NCKAP5: variants seen among roughly 807,000 people sequenced by gnomAD.
The protein encoded by NCKAP5 is NCK associated protein 5, also known as nck-associated protein 5.
Under a neutral mutation model 167.0 loss-of-function variants are expected in NCKAP5, and 92 were observed. The observed-to-expected ratio is 0.55, with a 90% CI of 0.47 to 0.66. NCKAP5 has a LOEUF of 0.66. Ranked by LOEUF, NCKAP5 falls within the 30% of genes least tolerant of loss-of-function variation. The pLI is 0.00. For missense variants in NCKAP5, 2,378 were observed against 2,315.0 expected, an observed-to-expected ratio of 1.03 and a Z score of -0.56; for synonymous variants, 891 against 877.4, an observed-to-expected ratio of 1.02 and a Z score of -0.27.
intron 19 of NCKAP5, among the ~76,000 whole-genome samples, chr2:132,719,481 G>A (rs994327895): frequency 1.3e-5 from 2 of 152,238 alleles, no homozygotes. Context: ...CATGTACCTA[G>A]GAGAGTGGAC....
At chr2:133,527,676 A>C (rs1050815073) in intron 2 of NCKAP5, among the ~76,000 whole-genome samples, 1 of 152,148 alleles carries the variant, frequency 6.6e-6, no homozygotes, top group African/African-American at 2.4e-5. Flanking sequence ...TATGAGAAAA[A>C]TCTCTAAGAT....
At chr2:132,725,481 G>C in intron 19 of NCKAP5, 146 bp downstream of exon 19, 2 of 968,900 alleles carry the variant, frequency 2.1e-6, no homozygotes, top group East Asian at 2.7e-5. Context: ...ACAATCTTCT[G>C]TATGTACCAG....
At chr2:133,172,109 T>C (rs1194834813) in intron 5 of NCKAP5, among the ~76,000 whole-genome samples, 1 of 152,220 alleles carries the variant, frequency 6.6e-6, no homozygotes, top group African/African-American at 2.4e-5. Flanking sequence ...CCCAACTATA[T>C]ACCTATTTAT....
chr2:132,701,303 T>C (rs1163740681), intron 19 of NCKAP5, among the ~76,000 whole-genome samples: 1 of 152,110 alleles, frequency 6.6e-6, no homozygotes, highest in African/African-American at 2.4e-5. Flanking sequence ...CAGGGTGCCA[T>C]CTGGGCCCAT....
chr2:133,614,678 A>G, the NCKAP5 span, among the ~76,000 whole-genome samples: 106 of 152,246 alleles, frequency 7.0e-4, 1 homozygote, highest in Admixed American at 2.3e-3. Flanking sequence ...TCTGATTGGT[A>G]TACCTGAAAG....
intron 6 of NCKAP5, among the ~76,000 whole-genome samples, chr2:133,067,749 A>ATTTTGTTCATTGAGGAGCTGTTGCAGAC (rs1395314980): frequency 2.6e-5 from 4 of 152,224 alleles, no homozygotes; most frequent in South Asian, 4.2e-4. Context: ...ATCATTTTGG[A>ATTTTGTTCATTGAGGAGCTGTTGCAGAC]TTTTGTTCAT....
At chr2:132,765,446 C>T (rs574392465) in intron 16 of NCKAP5, among the ~76,000 whole-genome samples, 133 of 151,850 alleles carry the variant, frequency 8.8e-4, no homozygotes, top group African/African-American at 3.1e-3. Flanking sequence ...TGCCAAGTAG[C>T]TGTGACTACA....
intron 4 of NCKAP5, among the ~76,000 whole-genome samples, chr2:133,258,046 T>G (rs1276707622): frequency 6.6e-6 from 1 of 152,216 alleles, no homozygotes. Flanking sequence ...GCACTATTAC[T>G]TACACTTGAC....
At chr2:133,473,719 TTCTA>T in intron 3 of NCKAP5, among the ~76,000 whole-genome samples, 1 of 152,234 alleles carries the variant, frequency 6.6e-6, no homozygotes, top group Non-Finnish European at 1.5e-5. Context: ...TATATGTGGT[TTCTA>T]TCTGCTTTCA....
At chr2:133,259,762 G>A (rs976777908) in intron 4 of NCKAP5, among the ~76,000 whole-genome samples, 2 of 152,210 alleles carry the variant, frequency 1.3e-5, no homozygotes, top group East Asian at 3.8e-4. Flanking sequence ...CATAGGAAGA[G>A]AAGAAAAAGA....
chr2:133,323,503 G>A (rs1373161848), intron 3 of NCKAP5, among the ~76,000 whole-genome samples: 1 of 152,182 alleles, frequency 6.6e-6, no homozygotes, highest in East Asian at 1.9e-4. Flanking sequence ...GATAGGCTGG[G>A]TTAAAGAGGA....
the NCKAP5 span, among the ~76,000 whole-genome samples, chr2:133,643,890 A>T: frequency 6.6e-6 from 1 of 152,086 alleles, no homozygotes. Flanking sequence ...CCTAGAAAAC[A>T]CTTCTTCCCA....
chr2:132,763,248 G>A (rs1381349907), intron 16 of NCKAP5, among the ~76,000 whole-genome samples: 1 of 152,094 alleles, frequency 6.6e-6, no homozygotes, highest in East Asian at 1.9e-4. Flanking sequence ...AAATATCTAA[G>A]CTCGGCTTTC....
intron 5 of NCKAP5, among the ~76,000 whole-genome samples, chr2:133,185,171 C>T (rs115277373): frequency 0.014 from 2,189 of 152,242 alleles, 61 homozygotes; most frequent in African/African-American, 0.047. Context: ...TTTCATTCTT[C>T]TGCGTATGGC....
chr2:133,094,610 C>T (rs1255550409), intron 6 of NCKAP5, among the ~76,000 whole-genome samples: 2 of 152,122 alleles, frequency 1.3e-5, no homozygotes, highest in Admixed American at 1.3e-4. Context: ...CTAAAATGTC[C>T]TCTCTCATCC....
chr2:133,557,244 C>T (rs992223274), intron 2 of NCKAP5, among the ~76,000 whole-genome samples: 6 of 152,148 alleles, frequency 3.9e-5, no homozygotes, highest in Admixed American at 6.5e-5. Context: ...CTCATTTGCA[C>T]GCTTGGCACC....
At chr2:133,491,758 T>G (rs1422976958) in intron 3 of NCKAP5, among the ~76,000 whole-genome samples, 2 of 152,102 alleles carry the variant, frequency 1.3e-5, no homozygotes, top group East Asian at 3.9e-4. Context: ...CCAAAGTGAC[T>G]AAAGCCACAT....
At chr2:133,420,867 CCTGCCTCGCCCCA>C (rs1203905987) in intron 3 of NCKAP5, among the ~76,000 whole-genome samples, 2 of 152,186 alleles carry the variant, frequency 1.3e-5, no homozygotes, top group Non-Finnish European at 2.9e-5. Flanking sequence ...TCTCAAACAG[CCTGCCTCGCCCCA>C]CTGCTGCTCA....
chr2:133,434,254 T>C (rs1690334194), intron 3 of NCKAP5, among the ~76,000 whole-genome samples: 1 of 152,212 alleles, frequency 6.6e-6, no homozygotes, highest in Admixed American at 6.5e-5. Context: ...AACATAAAGG[T>C]TACTTATCTT....
Sources: allele counts gnomAD v4.1 joint callset (sites outside exome capture counted in the v4.1 genomes callset), GRCh38; gene constraint gnomAD v4.1.1; transcripts MANE v1.5; gene names NCBI Gene and HGNC (gene_info 2026-07-23, HGNC 2026-07-21).